The following CHODL variants were observed in gnomAD, a reference collection of about 807,000 sequenced individuals.
The protein encoded by CHODL is chondrolectin.
CHODL carries 29 observed loss-of-function variants against 34.5 expected under a neutral mutation model. That is an observed-to-expected ratio of 0.84 (90% CI 0.63 to 1.15). The LOEUF (loss-of-function observed/expected upper bound fraction) is 1.15. CHODL is among the 50% of genes most tolerant of loss of function. The probability of loss-of-function intolerance (pLI) is 0.00; values close to 1 mark genes in which losing one functional copy is unlikely to be tolerated. For missense variants in CHODL, 332 were observed against 332.5 expected, an observed-to-expected ratio of 1.00 and a Z score of 0.01; for synonymous variants, 125 against 116.1, an observed-to-expected ratio of 1.08 and a Z score of -0.49.
intron 1 of CHODL, among the ~76,000 whole-genome samples, chr21:18,250,035 A>T (rs919354386): frequency 1.3e-5 from 2 of 152,152 alleles, no homozygotes; most frequent in African/African-American, 2.4e-5. Context: ...AATTTATCCC[A>T]AAGCATGGAT....
In CHODL at chr21:18,266,278, C is replaced by T. The variant is rs2074461050; in HGVS notation, c.*240C>T. 7.6e-7 allele frequency: 1 copy of T among 1,314,734 alleles called. No homozygotes were observed. The highest frequency in any genetic ancestry group is 1.5e-5 in the African/African-American group (1 of 67,368). 81.4% of individuals were successfully genotyped at this position (1,314,734 alleles called of 1,614,324 possible). A position where few individuals can be genotyped will look rare whatever the true frequency, so the allele number is the denominator to read the frequency against. ...CTAAAGGATGCACCCAAACTTCAAA[C>T]TTCAAGCAAATGAAATGGACAATGC... On this transcript the variant is annotated 3_prime_UTR_variant, in exon 6 of 6. Transcript: ENST00000299295.
At chr21:17,931,984 A>G (rs2063277266) in intron 1 of CHODL, among the ~76,000 whole-genome samples, 1 of 152,228 alleles carries the variant, frequency 6.6e-6, no homozygotes, top group Non-Finnish European at 1.5e-5. Context: ...AGCATCTGCC[A>G]GCAAAAGAAG....
chr21:18,172,128 G>A (rs181019721), intron 2 of CHODL, among the ~76,000 whole-genome samples: 213 of 152,244 alleles, frequency 1.4e-3, no homozygotes, highest in Non-Finnish European at 2.4e-3. Flanking sequence ...ATTCCCCTAT[G>A]AGCATCTCAT....
chr21:18,107,517 T>C (rs2065288143), intron 2 of CHODL, among the ~76,000 whole-genome samples: 1 of 152,236 alleles, frequency 6.6e-6, no homozygotes, highest in Non-Finnish European at 1.5e-5. Flanking sequence ...CTTAGTCGCA[T>C]CTGTCCATTT....
intron 1 of CHODL, among the ~76,000 whole-genome samples, chr21:17,945,339 GATTTCTAAA>G (rs750685088): frequency 8.6e-5 from 13 of 151,534 alleles, no homozygotes; most frequent in African/African-American, 2.4e-4. Context: ...TACACAGATA[GATTTCTAAA>G]ATTTCTAAAA....
At chr21:17,929,102 AT>A (rs1389999453) in intron 1 of CHODL, among the ~76,000 whole-genome samples, 1 of 152,196 alleles carries the variant, frequency 6.6e-6, no homozygotes, top group Non-Finnish European at 1.5e-5. Flanking sequence ...AGTCAAGAAC[AT>A]TTTACTTGTT....
At chr21:18,013,755 C>A (rs574137309) in intron 1 of CHODL, among the ~76,000 whole-genome samples, 5 of 149,986 alleles carry the variant, frequency 3.3e-5, no homozygotes, top group Non-Finnish European at 7.4e-5. Flanking sequence ...CTCTCTCAGC[C>A]TCCTGAGTAG....
chr21:18,190,728 GA>G (rs1415928722), intron 2 of CHODL, among the ~76,000 whole-genome samples: 1 of 152,176 alleles, frequency 6.6e-6, no homozygotes, highest in East Asian at 1.9e-4. Flanking sequence ...ACGTAAGGCT[GA>G]AGAGATTTTG....
chr21:18,112,705 T>C (rs1239111438), intron 2 of CHODL, among the ~76,000 whole-genome samples: 1 of 152,150 alleles, frequency 6.6e-6, no homozygotes, highest in African/African-American at 2.4e-5. Context: ...GAAAACTGGA[T>C]ATCCATAGGC....
At chr21:18,135,667 T>C (rs2072713437) in intron 2 of CHODL, among the ~76,000 whole-genome samples, 1 of 152,220 alleles carries the variant, frequency 6.6e-6, no homozygotes, top group Non-Finnish European at 1.5e-5. Flanking sequence ...ATCTATCTGT[T>C]AGAGTGGGGT....
intron 2 of CHODL, among the ~76,000 whole-genome samples, chr21:18,117,704 A>T (rs1306864888): frequency 5.3e-4 from 79 of 147,934 alleles, no homozygotes; most frequent in African/African-American, 1.6e-3. Context: ...TAAATAAATA[A>T]GATAAAATAA....
chr21:18,243,424 T>G (rs1252261864), upstream of CHODL, among the ~76,000 whole-genome samples: 2 of 152,182 alleles, frequency 1.3e-5, no homozygotes, highest in African/African-American at 4.8e-5. Context: ...ACAGAATCCA[T>G]AGCCTCTACA....
intron 1 of CHODL, among the ~76,000 whole-genome samples, chr21:18,006,914 C>T (rs1243671197): frequency 6.6e-6 from 1 of 152,202 alleles, no homozygotes; most frequent in African/African-American, 2.4e-5. Flanking sequence ...TGGCCATCAG[C>T]TAATGATTCT....
At chr21:18,050,801 T>C (rs1464607363) in intron 2 of CHODL, among the ~76,000 whole-genome samples, 1 of 151,880 alleles carries the variant, frequency 6.6e-6, no homozygotes, top group Non-Finnish European at 1.5e-5. Context: ...TGTAGACTTG[T>C]TGGTGTAGGA....
chr21:18,163,470 C>G (rs2073119799), intron 2 of CHODL, among the ~76,000 whole-genome samples: 1 of 151,888 alleles, frequency 6.6e-6, no homozygotes, highest in Non-Finnish European at 1.5e-5. Flanking sequence ...ATGTGAAAGA[C>G]AGTTCTCATA....
At chr21:18,070,682 G>C (rs138046809) in intron 2 of CHODL, among the ~76,000 whole-genome samples, 91 of 152,186 alleles carry the variant, frequency 6.0e-4, no homozygotes, top group African/African-American at 1.9e-3. Context: ...CTATAGATAT[G>C]CAGAAACCAA....
At chr21:18,056,162 T>C (rs950240999) in intron 2 of CHODL, among the ~76,000 whole-genome samples, 1 of 152,016 alleles carries the variant, frequency 6.6e-6, no homozygotes, top group Non-Finnish European at 1.5e-5. Context: ...CATACTTTAA[T>C]GATCATTTGG....
intron 2 of CHODL, among the ~76,000 whole-genome samples, chr21:18,060,633 C>A (rs1403695374): frequency 6.9e-6 from 1 of 145,318 alleles, no homozygotes; most frequent in African/African-American, 2.6e-5. Context: ...TAATCAAAAG[C>A]AGAAAAACTG....
chr21:18,173,471 C>T (rs2073255790), intron 2 of CHODL, among the ~76,000 whole-genome samples: 1 of 152,266 alleles, frequency 6.6e-6, no homozygotes, highest in South Asian at 2.1e-4. Flanking sequence ...ATGTAATAAT[C>T]ACATCAAGCA....
Sources: allele counts gnomAD v4.1 joint callset (sites outside exome capture counted in the v4.1 genomes callset), GRCh38; gene constraint gnomAD v4.1.1; transcripts MANE v1.5; gene names NCBI Gene and HGNC (gene_info 2026-07-23, HGNC 2026-07-21).